Variants in KIAA1549 observed in about 807,000 individuals in gnomAD.
KIAA1549 encodes the protein KIAA1549, also known as UPF0606 protein KIAA1549.
Under a neutral mutation model 156.4 loss-of-function variants are expected in KIAA1549, and 70 were observed. That is an observed-to-expected ratio of 0.45 (90% CI 0.37 to 0.55). KIAA1549 has a LOEUF of 0.55. Among genes scored for constraint, KIAA1549 ranks in the 20% least tolerant of loss-of-function variants. The pLI is 0.00. For missense variants in KIAA1549, 2,428 were observed against 2,540.9 expected (o/e 0.96, Z 0.96); for synonymous variants, 1,103 against 1,066.4 (o/e 1.03, Z -0.67).
At chr7:138,840,034 C>T (rs1809862714) in intron 19 of KIAA1549, 99 bp downstream of exon 19, 4 of 1,068,106 alleles carry the variant, frequency 3.7e-6, no homozygotes, top group Non-Finnish European at 3.9e-6. Flanking sequence ...TCGTGATCCG[C>T]CCGCCTCGGC....
chr7:138,874,376 G>T (rs1811021504), intron 12 of KIAA1549, among the ~76,000 whole-genome samples: 2 of 152,284 alleles, frequency 1.3e-5, no homozygotes, highest in South Asian at 4.1e-4. Flanking sequence ...AAACAGGTAA[G>T]AGAGTAGATT....
intron 18 of KIAA1549, among the ~76,000 whole-genome samples, chr7:138,843,755 G>A (rs1426380982): frequency 1.3e-5 from 2 of 152,284 alleles, no homozygotes; most frequent in South Asian, 2.1e-4. Flanking sequence ...CAAAGCACCT[G>A]TAAAGTTCAG....
intron 1 of KIAA1549, among the ~76,000 whole-genome samples, chr7:138,919,758 T>G (rs1040060191): frequency 6.6e-6 from 1 of 152,122 alleles, no homozygotes; most frequent in Admixed American, 6.6e-5. Flanking sequence ...CAGTCCATTT[T>G]CTCTCATTTA....
intron 10 of KIAA1549, among the ~76,000 whole-genome samples, chr7:138,882,298 A>G (rs1228140440): frequency 3.3e-5 from 5 of 152,262 alleles, no homozygotes; most frequent in Admixed American, 2.6e-4. Flanking sequence ...AAGACCTAGA[A>G]GCCAAATAGA....
At chr7:138,894,795 G>T (rs1340103038) in intron 9 of KIAA1549, among the ~76,000 whole-genome samples, 1 of 152,116 alleles carries the variant, frequency 6.6e-6, no homozygotes, top group African/African-American at 2.4e-5. Flanking sequence ...TTAATTCCAG[G>T]TCTCCTGATT....
chr7:138,909,611 T>C (rs1360721507), intron 4 of KIAA1549, among the ~76,000 whole-genome samples: 1 of 152,202 alleles, frequency 6.6e-6, no homozygotes, highest in African/African-American at 2.4e-5. Context: ...TTGTAAATGT[T>C]TGAACATGTC....
At chr7:138,943,723 C>T (rs1444150887) in intron 1 of KIAA1549, among the ~76,000 whole-genome samples, 1 of 151,970 alleles carries the variant, frequency 6.6e-6, no homozygotes, top group African/African-American at 2.4e-5. Context: ...GTGGCGGGCA[C>T]CTGTAGTCCC....
At chr7:138,927,301 AGT>A (rs954878891) in intron 1 of KIAA1549, among the ~76,000 whole-genome samples, 1 of 152,194 alleles carries the variant, frequency 6.6e-6, no homozygotes, top group Non-Finnish European at 1.5e-5. Context: ...ACATATTTAA[AGT>A]GTGTGTTATG....
chr7:138,922,285 C>T (rs552065248), intron 1 of KIAA1549, among the ~76,000 whole-genome samples: 25 of 152,306 alleles, frequency 1.6e-4, no homozygotes, highest in South Asian at 6.2e-4. Flanking sequence ...CAGAAACTAA[C>T]ATAAATCACA....
Position 138,835,719 on chromosome 7 carries a change from C to G in KIAA1549, c.*2187G>C, listed in dbSNP as rs1031721960. On this transcript the variant is annotated 3_prime_UTR_variant, in exon 20 of 20. Coordinates refer to ENST00000422774, the MANE Select transcript of KIAA1549 (RefSeq NM_001164665.2). ...TTTTTGAGTGACATACAAAGATAAT[C>G]GTTCAATTTGGGAGGAGTCGGGTAT... The G allele has an allele frequency of 4.6e-6, 1 of 217,324 alleles. No homozygotes were observed. Among genetic ancestry groups the G allele is most frequent in the East Asian group, 6.8e-5 (1 of 14,716 alleles). The allele number at this position is 217,324 out of a possible 1,614,324, so 13.5% of individuals were successfully genotyped here. A position where few individuals can be genotyped will look rare whatever the true frequency, so the allele number is the denominator to read the frequency against.
In KIAA1549 at chr7:138,832,362, A is replaced by G; in HGVS notation, c.*5544T>C. The G allele has an allele frequency of 5.2e-6, 1 of 191,348 alleles. No individual in the cohort carries two copies. The highest frequency in any genetic ancestry group is 1.1e-5 in the Non-Finnish European group (1 of 91,572). 11.9% of individuals were successfully genotyped at this position (191,348 alleles called of 1,614,324 possible). The stretch of plus-strand genomic sequence containing the variant: ...CTGGCACATGCCACCATGCTCAGCT[A>G]ATTTTTAAATTTTTTTTGTAGAGAC... On this transcript the variant is annotated 3_prime_UTR_variant, in exon 20 of 20. Transcript: ENST00000422774.
At chr7:138,879,772 C>G in intron 11 of KIAA1549, 119 bp from the exon 12 acceptor site, 1 of 648,912 alleles carries the variant, frequency 1.5e-6, no homozygotes, top group Non-Finnish European at 2.6e-6. Flanking sequence ...ATGAAACGGT[C>G]CAAAAAATTA....
intron 10 of KIAA1549, among the ~76,000 whole-genome samples, chr7:138,882,205 T>C (rs951582999): frequency 3.3e-4 from 50 of 152,280 alleles, no homozygotes; most frequent in African/African-American, 1.1e-3. Context: ...AGCCTGGCCA[T>C]GCGCATAAAA....
chr7:138,897,892 C>CA (rs59242488), intron 9 of KIAA1549, among the ~76,000 whole-genome samples: 4,934 of 27,454 alleles, frequency 0.18, 1,274 homozygotes, highest in Non-Finnish European at 0.23. Flanking sequence ...GACCCTTTCT[C>CA]AAAAAAAAAA....
rs143059717 is a variant in KIAA1549, at chr7:138,884,360, G to A, written c.4033-2776C>T. On this transcript the variant is annotated intron_variant, in intron 10 of 19. Transcript: ENST00000422774. ...AACCTACTGAACAGGCCCCCTCTTG[G>A]CCAAAGGGACTTCAGAGAAACCTGA... Among the ~76,000 whole-genome samples the A allele has an allele frequency of 4.6e-5, 7 of 152,074 alleles. No individual in the cohort carries two copies. In the East Asian group the frequency reaches 1.4e-3, roughly 29 times the overall value.
intron 18 of KIAA1549, among the ~76,000 whole-genome samples, chr7:138,840,816 A>G (rs1156575428): frequency 6.6e-6 from 1 of 152,158 alleles, no homozygotes; most frequent in Non-Finnish European, 1.5e-5. Flanking sequence ...GAGCACCACA[A>G]CAGCCCCAGT....
intron 1 of KIAA1549, among the ~76,000 whole-genome samples, chr7:138,921,810 A>G (rs1225757653): frequency 6.6e-6 from 1 of 152,116 alleles, no homozygotes; most frequent in Non-Finnish European, 1.5e-5. Context: ...GGGTTCAGAG[A>G]GCCGTGATTG....
At chr7:138,904,191 C>T (rs756614182) in intron 7 of KIAA1549, among the ~76,000 whole-genome samples, 85 of 152,316 alleles carry the variant, frequency 5.6e-4, no homozygotes, top group Non-Finnish European at 9.7e-4. Flanking sequence ...GAAGCCTGCC[C>T]ATCTTTAGTT....
intron 1 of KIAA1549, among the ~76,000 whole-genome samples, chr7:138,942,704 A>G (rs1299891050): frequency 1.3e-5 from 2 of 152,070 alleles, no homozygotes; most frequent in Non-Finnish European, 2.9e-5. Context: ...AGGTCAGGAG[A>G]TCGAGACCAT....
Sources: gnomAD v4.1 joint callset for allele counts (sites outside exome capture counted in the v4.1 genomes callset) on GRCh38, gnomAD v4.1.1 for gene constraint, MANE v1.5 for transcripts, NCBI Gene and HGNC (gene_info 2026-07-23, HGNC 2026-07-21) for gene names.